TJP1: variants seen among roughly 807,000 people sequenced by gnomAD.
The protein encoded by TJP1 is tight junction protein ZO-1.
TJP1 carries 43 observed loss-of-function variants against 194.2 expected under a neutral mutation model. The observed-to-expected ratio is 0.22, with a 90% CI of 0.17 to 0.29. TJP1 has a LOEUF of 0.29. TJP1 is among the 10% of genes least tolerant of loss of function. TJP1 has a pLI of 1.00. For missense variants in TJP1, 1,971 were observed against 2,185.7 expected, an observed-to-expected ratio of 0.90 and a Z score of 1.96; for synonymous variants, 801 against 779.0, an observed-to-expected ratio of 1.03 and a Z score of -0.47.
intron 1 of TJP1, among the ~76,000 whole-genome samples, chr15:29,804,316 G>A (rs1224763379): frequency 2.6e-5 from 4 of 152,128 alleles, no homozygotes; most frequent in South Asian, 2.1e-4. Flanking sequence ...ATCTTGTTAC[G>A]TGTTTGAAAG....
chr15:29,788,242 T>C (rs2047832465), intron 2 of TJP1, among the ~76,000 whole-genome samples: 1 of 152,202 alleles, frequency 6.6e-6, no homozygotes, highest in Non-Finnish European at 1.5e-5. Context: ...CAAGTATCTT[T>C]TCCCATTCTG....
chr15:29,762,261 G>C (rs771265441), intron 6 of TJP1, 74 bp downstream of exon 6: 307 of 1,263,482 alleles, frequency 2.4e-4, no homozygotes, highest in Non-Finnish European at 3.3e-4. Context: ...CTTCAAACAA[G>C]AGCACAGACT....
chr15:29,731,098 A>G, intron 15 of TJP1: 1 of 652,256 alleles, frequency 1.5e-6, no homozygotes, highest in Non-Finnish European at 2.7e-6. Context: ...TTTTTTTTTT[A>G]AGCTATGTTG....
chr15:29,805,709 T>C (rs565825609), intron 1 of TJP1, among the ~76,000 whole-genome samples: 4 of 152,322 alleles, frequency 2.6e-5, no homozygotes, highest in Non-Finnish European at 2.9e-5. Flanking sequence ...TCAAAAGATA[T>C]GAGCTTTTTG....
chr15:29,737,562 AG>A, intron 10 of TJP1, 148 bp from the exon 11 acceptor site: 2 of 854,416 alleles, frequency 2.3e-6, no homozygotes, highest in Non-Finnish European at 3.4e-6. Context: ...AATAAAATTT[AG>A]TGTTAGAATT....
intron 2 of TJP1, among the ~76,000 whole-genome samples, chr15:29,848,863 A>T (rs58512909): frequency 0.047 from 6,876 of 147,756 alleles, 535 homozygotes; most frequent in African/African-American, 0.16. Context: ...ATCTCAAAAT[A>T]AAAAAAAAAA....
chr15:29,808,857 T>C (rs2151935115), intron 1 of TJP1, among the ~76,000 whole-genome samples: 2 of 152,112 alleles, frequency 1.3e-5, no homozygotes, highest in East Asian at 3.9e-4. Flanking sequence ...GCAGACATCA[T>C]CCAAAAACAA....
chr15:29,873,756 T>TA (rs2052605795), intron 2 of TJP1, among the ~76,000 whole-genome samples: 1 of 152,118 alleles, frequency 6.6e-6, no homozygotes, highest in Non-Finnish European at 1.5e-5. Context: ...AGGGGAGACT[T>TA]GAGACTTGAG....
chr15:29,811,444 G>T (rs1410652017), intron 1 of TJP1, among the ~76,000 whole-genome samples: 2 of 125,064 alleles, frequency 1.6e-5, no homozygotes, highest in African/African-American at 6.0e-5. Flanking sequence ...TGGGGGGGTG[G>T]TGGGAGGGAG....
intron 8 of TJP1, among the ~76,000 whole-genome samples, chr15:29,754,987 A>G (rs1595770076): frequency 6.6e-6 from 1 of 152,338 alleles, no homozygotes. Flanking sequence ...GTGTAAATAA[A>G]AAACTAGATC....
At chr15:29,968,767 C>T in exon 1 of TJP1, 1 of 1,223,632 alleles carries the variant, frequency 8.2e-7, no homozygotes, top group Non-Finnish European at 1.1e-6. Flanking sequence ...TTCATCTTGT[C>T]CCCGCTCCGC....
chr15:29,750,842 T>C (rs931506254), intron 8 of TJP1, among the ~76,000 whole-genome samples: 3 of 152,158 alleles, frequency 2.0e-5, no homozygotes, highest in Non-Finnish European at 2.9e-5. Flanking sequence ...ACAGTTTAGG[T>C]TGAAAACAAA....
intron 2 of TJP1, among the ~76,000 whole-genome samples, chr15:29,840,256 G>T (rs1299582501): frequency 6.6e-6 from 1 of 152,074 alleles, no homozygotes; most frequent in Non-Finnish European, 1.5e-5. Flanking sequence ...TGTTCTAATT[G>T]ATCAGTTTTT....
At chr15:29,867,971 G>A (rs377670280) in intron 2 of TJP1, among the ~76,000 whole-genome samples, 2 of 150,836 alleles carry the variant, frequency 1.3e-5, no homozygotes, top group East Asian at 2.0e-4. Flanking sequence ...TGGGAGGATG[G>A]CTTGAGCTCA....
At chr15:29,844,490 GA>G (rs1028124758) in intron 2 of TJP1, among the ~76,000 whole-genome samples, 2 of 152,194 alleles carry the variant, frequency 1.3e-5, no homozygotes, top group African/African-American at 4.8e-5. Context: ...TAGCAGCCTG[GA>G]CCAGACAGCA....
intron 2 of TJP1, among the ~76,000 whole-genome samples, chr15:29,893,518 C>A (rs1283685454): frequency 6.6e-6 from 1 of 152,118 alleles, no homozygotes; most frequent in African/African-American, 2.4e-5. Flanking sequence ...TCACTGTTGT[C>A]TTCTTTTAAC....
intron 2 of TJP1, among the ~76,000 whole-genome samples, chr15:29,899,724 T>C (rs1255719828): frequency 6.6e-6 from 1 of 152,248 alleles, no homozygotes; most frequent in Non-Finnish European, 1.5e-5. Context: ...GTTTTCTTTT[T>C]ACCTCCTAAT....
intron 8 of TJP1, 57 bp from the exon 9 acceptor site, chr15:29,742,838 G>GT (rs1400510584): frequency 4.0e-6 from 6 of 1,489,676 alleles, no homozygotes; most frequent in Non-Finnish European, 5.4e-6. Flanking sequence ...GAAAGCATCT[G>GT]TAAGAGAACA....
intron 8 of TJP1, among the ~76,000 whole-genome samples, chr15:29,756,809 C>T (rs1476978030): frequency 6.6e-6 from 1 of 152,106 alleles, no homozygotes; most frequent in Non-Finnish European, 1.5e-5. Context: ...TAATCCTGGC[C>T]CCAATCCCAG....
Sources: allele counts gnomAD v4.1 joint callset (sites outside exome capture counted in the v4.1 genomes callset), GRCh38; gene constraint gnomAD v4.1.1; transcripts MANE v1.5; gene names NCBI Gene and HGNC (gene_info 2026-07-23, HGNC 2026-07-21).